Variants in SLC20A1 observed in about 807,000 individuals in gnomAD.
SLC20A1 encodes the protein solute carrier family 20 member 1.
SLC20A1 carries 28 observed loss-of-function variants against 62.7 expected under a neutral mutation model. The observed-to-expected ratio is 0.45, with a 90% CI of 0.33 to 0.61. SLC20A1 has a LOEUF of 0.61. Ranked by LOEUF, SLC20A1 falls within the 20% of genes least tolerant of loss-of-function variation. SLC20A1 has a pLI of 0.02. For synonymous variants in SLC20A1, 305 were observed against 302.9 expected (o/e 1.01, Z -0.07); for missense variants, 673 against 838.6 (o/e 0.80, Z 2.44).
intron 4 of SLC20A1, among the ~76,000 whole-genome samples, chr2:112,648,080 G>A (rs1218042900): frequency 3.4e-5 from 5 of 148,982 alleles, no homozygotes; most frequent in African/African-American, 2.6e-5. Flanking sequence ...AATATAATAC[G>A]TAAACTTGGA....
At chr2:112,651,758 A>T (rs1313436818) in intron 4 of SLC20A1, among the ~76,000 whole-genome samples, 1 of 152,210 alleles carries the variant, frequency 6.6e-6, no homozygotes, top group Admixed American at 6.5e-5. Flanking sequence ...GAATTAATAC[A>T]TACTAGGTAT....
intron 9 of SLC20A1, 130 bp from the exon 10 acceptor site, chr2:112,661,012 C>G (rs1686734584): frequency 1.6e-6 from 1 of 621,028 alleles, no homozygotes; most frequent in Admixed American, 2.5e-5. Context: ...GGGGTTATAG[C>G]AAATAAAGAT....
At position 112,647,477 on chromosome 2, in the gene SLC20A1, C is replaced by A; in HGVS notation, c.475+13C>A. 1.9e-6 allele frequency: 3 copies of A among 1,605,560 alleles called. No homozygotes were observed. The highest frequency in any genetic ancestry group is 2.2e-5 in the South Asian group (2 of 89,402). ...CTGATAAAAATTGGTATGTTTAATT[C>A]CAAACGGCTTCTTAATTTTCGTTTT... On this transcript the variant is annotated intron_variant, in intron 3 of 10. Coordinates refer to ENST00000272542, the MANE Select transcript of SLC20A1 (RefSeq NM_005415.5).
chr2:112,652,549 A>G (rs1686470197), intron 4 of SLC20A1, 153 bp from the exon 5 acceptor site: 3 of 621,872 alleles, frequency 4.8e-6, no homozygotes, highest in Non-Finnish European at 8.5e-6. Flanking sequence ...AGAATTCCAG[A>G]TGCAAATGCA....
At chr2:112,656,242 C>G (rs1046707989) in intron 5 of SLC20A1, among the ~76,000 whole-genome samples, 2 of 136,838 alleles carry the variant, frequency 1.5e-5, no homozygotes, top group African/African-American at 2.8e-5. Flanking sequence ...GTCACCCAGG[C>G]TGGAGTGCAG....
At chr2:112,648,697 A>C (rs945141487) in intron 4 of SLC20A1, among the ~76,000 whole-genome samples, 1 of 152,240 alleles carries the variant, frequency 6.6e-6, no homozygotes, top group Non-Finnish European at 1.5e-5. Flanking sequence ...AATCTGGCAG[A>C]ATATAGCAGT....
intron 9 of SLC20A1, chr2:112,660,897 G>A (rs1189834090): frequency 6.1e-6 from 3 of 495,568 alleles, no homozygotes; most frequent in Non-Finnish European, 1.1e-5. Context: ...CAAAATAAAA[G>A]TGCAAATTTT....
chr2:112,647,851 T>G, intron 4 of SLC20A1, 113 bp downstream of exon 4: 2 of 826,392 alleles, frequency 2.4e-6, no homozygotes, highest in Non-Finnish European at 4.1e-6. Flanking sequence ...CTTGGAAAAT[T>G]TTAAAAAGCT....
In SLC20A1 at chr2:112,659,336, A is replaced by G. The variant is rs1686687234; in HGVS notation, c.1181A>G (p.Lys394Arg). ...GGCCTGTACAAAGAGCTACTCCATA[A>G]ATTACATCTTGCCAAGGTGGGAGAT... ...DSGLYKELLH[K>R]LHLAKVGDCM... The change falls in exon 8 of 11, where the codon AAA becomes AGA. Residue 394 changes from lysine to arginine, a missense_variant. Lys to Arg is a conservative substitution (Grantham distance 26). Transcript: ENST00000272542. The G allele has an allele frequency of 5.6e-6, 9 of 1,614,172 alleles. No individual in the cohort carries two copies. The highest frequency in any genetic ancestry group is 6.8e-6 in the Non-Finnish European group (8 of 1,180,038).
chr2:112,662,221 T>C (rs367914099), intron 10 of SLC20A1, among the ~76,000 whole-genome samples: 55 of 152,240 alleles, frequency 3.6e-4, no homozygotes, highest in South Asian at 2.1e-4. Flanking sequence ...GACAATTGTT[T>C]ATTAGGTTTA....
chr2:112,647,151 G>A lies in SLC20A1; in HGVS notation c.323G>A (p.Ser108Asn). ...GGGCTGCTGATGGCCGGCTCAGTCA[G>A]TGCTATGTTTGGTAAGTTCTTTTTA... ...TQGLLMAGSVSAMFGSAVWQL... is the reference protein window; with the variant it reads ...TQGLLMAGSVNAMFGSAVWQL... Residue 108 changes from serine to asparagine, a missense_variant, in exon 2 of 11, where the codon AGT becomes AAT. Coordinates refer to ENST00000272542, the MANE Select transcript of SLC20A1 (RefSeq NM_005415.5). 2 of 1,612,242 alleles carry A rather than the reference G, an allele frequency of 1.2e-6. No homozygotes were observed. The highest frequency in any genetic ancestry group is 1.1e-5 in the South Asian group (1 of 91,066).
In SLC20A1 at chr2:112,659,431, T is replaced by A. The variant is rs1156786091; in HGVS notation, c.1276T>A (p.Cys426Ser). 1 of 1,614,098 alleles carries A rather than the reference T, an allele frequency of 6.2e-7. No individual in the cohort carries two copies. Among genetic ancestry groups the A allele is most frequent in the Non-Finnish European group, 8.5e-7 (1 of 1,180,048 alleles). The change falls in exon 8 of 11, where the codon TGT (cysteine) becomes AGT (serine). Residue 426 changes from cysteine (C) to serine (S), a missense_variant. Physicochemically the swap from Cys to Ser is moderately radical, Grantham distance 112. Transcript: ENST00000272542. Reference sequence around the variant, plus strand: ...CTATACTTCCTATACCATGGCAATATGTGGCATGCCTCTGGATTCATTCCG... The same window carrying A: ...CTATACTTCCTATACCATGGCAATAAGTGGCATGCCTCTGGATTCATTCCG... ...NSYTSYTMAI[C>S]GMPLDSFRAK... is the part of the protein sequence containing the mutation.
chr2:112,662,899 C>T lies in SLC20A1; in HGVS notation c.1914C>T (p.Ser638=), dbSNP rs759008092. The part of the protein sequence containing the change: ...GSVVSVGWLR[S]KKAVDWRLFR... ...TTGTGTCTGTTGGCTGGCTCCGGTC[C>T]AAGAAGGCTGTTGACTGGCGTCTCT... Residue 638 remains serine (S), a synonymous_variant, in exon 11 of 11, where the codon TCC becomes TCT. Transcript: ENST00000272542. The T allele has an allele frequency of 7.4e-6, 12 of 1,614,032 alleles. No individual in the cohort carries two copies. The highest frequency in any genetic ancestry group is 1.0e-5 in the Non-Finnish European group (12 of 1,180,028).
Position 112,652,444 on chromosome 2 carries a change from A to T in SLC20A1, c.562-258A>T, listed in dbSNP as rs1489889414. The T allele has an allele frequency of 7.8e-6, 4 of 514,646 alleles. No individual in the cohort carries two copies. In the East Asian group the frequency reaches 1.3e-4, roughly 17 times the overall value. The allele number at this position is 514,646 out of a possible 1,614,324, so 31.9% of individuals were successfully genotyped here. On this transcript the variant is annotated intron_variant, in intron 4 of 10. Coordinates refer to ENST00000272542, the MANE Select transcript of SLC20A1 (RefSeq NM_005415.5). Reference sequence around the variant, plus strand: ...TTAGAATGTGGGTATTGCAATCTTTATTCAGGATGTTATCAGTCACTGGTA... The same window carrying T: ...TTAGAATGTGGGTATTGCAATCTTTTTTCAGGATGTTATCAGTCACTGGTA...
intron 9 of SLC20A1, 164 bp from the exon 10 acceptor site, chr2:112,660,978 C>G (rs375645032): frequency 2.0e-5 from 10 of 505,838 alleles, no homozygotes; most frequent in Admixed American, 1.0e-4. Context: ...CATCTGTGGC[C>G]TGATTTAAAT....
chr2:112,647,492 A>T, intron 3 of SLC20A1, 28 bp downstream of exon 3: 1 of 1,605,348 alleles, frequency 6.2e-7, no homozygotes, highest in Non-Finnish European at 8.5e-7. Context: ...CGGCTTCTTA[A>T]TTTTCGTTTT....
Position 112,663,441 on chromosome 2 carries a change from G to T in SLC20A1, c.*416G>T. 1 of 325,222 alleles carries T rather than the reference G, an allele frequency of 3.1e-6. No homozygotes were observed. The highest frequency in any genetic ancestry group is 2.5e-5 in the South Asian group (1 of 39,604). The allele number at this position is 325,222 out of a possible 1,614,324, so 20.1% of individuals were successfully genotyped here. On this transcript the variant is annotated 3_prime_UTR_variant, in exon 11 of 11. Coordinates refer to ENST00000272542, the MANE Select transcript of SLC20A1 (RefSeq NM_005415.5). ...GTTTCACCAGCTTCTGCCCTCACAT[G>T]CACAGGGATTTAACAACAAAAATAT...
At chr2:112,650,609 G>A (rs531821825) in intron 4 of SLC20A1, among the ~76,000 whole-genome samples, 2 of 151,752 alleles carry the variant, frequency 1.3e-5, no homozygotes, top group East Asian at 3.9e-4. Context: ...GGGATTACAG[G>A]CTTGAGCCAC....
chr2:112,662,441 C>T (rs1022680710), intron 10 of SLC20A1, among the ~76,000 whole-genome samples: 5 of 125,164 alleles, frequency 4.0e-5, no homozygotes, highest in Non-Finnish European at 3.4e-5. Context: ...ATTAGCTAGG[C>T]GTGGTGGTGG....
Sources: gnomAD v4.1 joint callset for allele counts (sites outside exome capture counted in the v4.1 genomes callset) on GRCh38, gnomAD v4.1.1 for gene constraint, MANE v1.5 for transcripts, NCBI Gene and HGNC (gene_info 2026-07-23, HGNC 2026-07-21) for gene names.